The following RIC1 variants were observed in gnomAD, a reference collection of about 807,000 sequenced individuals.
RIC1 encodes guanine nucleotide exchange factor subunit RIC1.
RIC1 carries 88 observed loss-of-function variants against 169.0 expected under a neutral mutation model. The observed-to-expected ratio is 0.52, with a 90% CI of 0.44 to 0.62. RIC1 has a LOEUF of 0.62. Ranked by LOEUF, RIC1 falls within the 20% of genes least tolerant of loss-of-function variation. The pLI, the probability that RIC1 is intolerant of heterozygous loss-of-function variation, is 0.00. For missense variants in RIC1, 1,877 were observed against 1,725.5 expected, an observed-to-expected ratio of 1.09 and a Z score of -1.56; for synonymous variants, 790 against 601.5, an observed-to-expected ratio of 1.31 and a Z score of -4.59.
At chr9:5,757,514 A>G (rs1826080059) in intron 17 of RIC1, 63 bp downstream of exon 17, 1 of 1,544,502 alleles carries the variant, frequency 6.5e-7, no homozygotes, top group East Asian at 2.3e-5. Flanking sequence ...TTGAGTCCAT[A>G]TTAGGAAGTA....
chr9:5,678,799 G>C (rs373113087), intron 2 of RIC1, among the ~76,000 whole-genome samples: 1 of 152,096 alleles, frequency 6.6e-6, no homozygotes, highest in African/African-American at 2.4e-5. Context: ...TAGGTTGCCT[G>C]TTCACTCTGA....
At chr9:5,656,711 A>C in intron 2 of RIC1, 21 bp downstream of exon 2, 1 of 1,339,332 alleles carries the variant, frequency 7.5e-7, no homozygotes, top group Non-Finnish European at 1.1e-6. Context: ...TTTACCGCTA[A>C]ATAGTGTTTT....
intron 2 of RIC1, among the ~76,000 whole-genome samples, chr9:5,659,173 G>A (rs560738014): frequency 5.9e-5 from 9 of 152,106 alleles, no homozygotes; most frequent in Non-Finnish European, 7.4e-5. Context: ...CCCATTGAAC[G>A]GTCTTGGTAG....
chr9:5,756,498 A>AG (rs1826026229), intron 16 of RIC1, 126 bp downstream of exon 16: 1 of 568,778 alleles, frequency 1.8e-6, no homozygotes, highest in Non-Finnish European at 2.8e-6. Flanking sequence ...TAGAGGTAAA[A>AG]AAAGCAAGGA....
chr9:5,710,118 G>A (rs1292731688), intron 3 of RIC1, among the ~76,000 whole-genome samples: 7 of 152,194 alleles, frequency 4.6e-5, no homozygotes, highest in South Asian at 2.1e-4. Flanking sequence ...AAACTTGAGC[G>A]CTTAAGAACC....
intron 3 of RIC1, among the ~76,000 whole-genome samples, chr9:5,693,854 GCTA>G (rs1338359703): frequency 6.6e-6 from 1 of 150,788 alleles, no homozygotes; most frequent in African/African-American, 2.4e-5. Flanking sequence ...TCTTTTCACT[GCTA>G]CTATTACCCT....
chr9:5,643,007 C>G (rs576547241), intron 1 of RIC1, among the ~76,000 whole-genome samples: 17 of 151,978 alleles, frequency 1.1e-4, no homozygotes, highest in Admixed American at 1.0e-3. Context: ...ACAATAAAAA[C>G]AATTTTATAA....
intron 7 of RIC1, among the ~76,000 whole-genome samples, chr9:5,733,367 C>T (rs1824490948): frequency 6.6e-6 from 1 of 151,512 alleles, no homozygotes; most frequent in African/African-American, 2.4e-5. Context: ...GGGTTCACGC[C>T]ATTCTCCTGC....
At chr9:5,777,948 A>G (rs1200823843), downstream of RIC1, among the ~76,000 whole-genome samples, 3 of 152,124 alleles carry the variant, frequency 2.0e-5, no homozygotes, top group African/African-American at 7.2e-5. Flanking sequence ...GGTCCCTTGT[A>G]TTTCCATATG....
chr9:5,728,306 G>T (rs1824130480), intron 6 of RIC1, among the ~76,000 whole-genome samples: 1 of 152,246 alleles, frequency 6.6e-6, no homozygotes, highest in Non-Finnish European at 1.5e-5. Flanking sequence ...TGTGCTAGCA[G>T]TGAGCAAGGC....
chr9:5,645,231 T>C (rs974426295), intron 1 of RIC1, among the ~76,000 whole-genome samples: 1 of 152,134 alleles, frequency 6.6e-6, no homozygotes, highest in Non-Finnish European at 1.5e-5. Flanking sequence ...TTTAAAAATT[T>C]TGTAGAGACA....
intron 3 of RIC1, among the ~76,000 whole-genome samples, chr9:5,690,404 A>G (rs1401633610): frequency 6.6e-6 from 1 of 152,034 alleles, no homozygotes; most frequent in Non-Finnish European, 1.5e-5. Context: ...TATGCATAGA[A>G]AAAAAAGAAC....
At chr9:5,707,826 T>G (rs1222426930) in intron 3 of RIC1, among the ~76,000 whole-genome samples, 1 of 152,136 alleles carries the variant, frequency 6.6e-6, no homozygotes, top group East Asian at 1.9e-4. Context: ...TCGAATCCAT[T>G]CTGATAATGC....
intron 3 of RIC1, among the ~76,000 whole-genome samples, chr9:5,692,368 G>C (rs1012175341): frequency 2.6e-5 from 4 of 151,958 alleles, no homozygotes; most frequent in African/African-American, 9.7e-5. Context: ...TTAATGCTTA[G>C]GTAAGCACCT....
rs1329706166 is a variant in RIC1 at position 5,776,415 on chromosome 9, TTAA to T, written c.*2173_*2175del. The T allele has an allele frequency of 6.6e-6, 1 of 152,114 alleles. No individual in the cohort carries two copies. The highest frequency in any genetic ancestry group is 2.4e-5 in the African/African-American group (1 of 41,452). 9.4% of individuals were successfully genotyped at this position (152,114 alleles called of 1,614,324 possible). On this transcript the variant is annotated 3_prime_UTR_variant, in exon 26 of 26. Coordinates refer to ENST00000414202, the MANE Select transcript of RIC1 (RefSeq NM_020829.4). ...ATTTGAGGTTTACTAGATGCATTTA[TTAA>T]TAAATTATTTGCTGAAACCAAAACA...
At chr9:5,673,239 A>G (rs1820216651) in intron 2 of RIC1, among the ~76,000 whole-genome samples, 1 of 152,068 alleles carries the variant, frequency 6.6e-6, no homozygotes, top group Admixed American at 6.6e-5. Context: ...CTATTGAAAA[A>G]TGGACGAACA....
At chr9:5,701,236 A>G (rs1822199519) in intron 3 of RIC1, among the ~76,000 whole-genome samples, 1 of 152,126 alleles carries the variant, frequency 6.6e-6, no homozygotes, top group South Asian at 2.1e-4. Flanking sequence ...AGCACTCCTG[A>G]TGGAGATATT....
In RIC1 at chr9:5,633,657, G is replaced by A. The variant is rs187051151; in HGVS notation, c.144+4204G>A. ...TGTGCGATACTTAGATCTACCCTGT[G>A]AGTTGATAATCACAATCAGTCTAAT... On this transcript the variant is annotated intron_variant, in intron 1 of 25. Coordinates refer to ENST00000414202, the MANE Select transcript of RIC1 (RefSeq NM_020829.4). 2.0e-5 allele frequency among the ~76,000 whole-genome samples: 3 copies of A among 152,192 alleles called. No individual in the cohort carries two copies. The South Asian group carries it at 6.2e-4, about 32-fold the overall frequency.
intron 2 of RIC1, among the ~76,000 whole-genome samples, chr9:5,657,434 G>C (rs1819168096): frequency 1.3e-5 from 2 of 152,210 alleles, no homozygotes; most frequent in South Asian, 4.1e-4. Flanking sequence ...ATTGTAATCA[G>C]TTTACATGGA....
Sources: allele counts gnomAD v4.1 joint callset (sites outside exome capture counted in the v4.1 genomes callset), GRCh38; gene constraint gnomAD v4.1.1; transcripts MANE v1.5; gene names NCBI Gene and HGNC (gene_info 2026-07-23, HGNC 2026-07-21).